The following BEAN1 variants were observed in gnomAD, a reference collection of about 807,000 sequenced individuals.
BEAN1 encodes brain expressed associated with NEDD4 1, also known as protein BEAN1.
In BEAN1, 17 loss-of-function variants were observed where a neutral mutation model predicts 17.7. That is an observed-to-expected ratio of 0.96 (90% CI 0.66 to 1.44). The LOEUF (loss-of-function observed/expected upper bound fraction) is 1.44. BEAN1 is among the 40% of genes most tolerant of loss of function. The pLI, the probability that BEAN1 is intolerant of heterozygous loss-of-function variation, is 0.00. For synonymous variants in BEAN1, 142 were observed against 151.8 expected (o/e 0.94, Z 0.47); for missense variants, 359 against 374.1 (o/e 0.96, Z 0.33).
intron 2 of BEAN1, among the ~76,000 whole-genome samples, chr16:66,461,778 A>C (rs9925162): frequency 0.044 from 6,754 of 152,190 alleles, 403 homozygotes; most frequent in African/African-American, 0.14. Context: ...GAGCCAGCCC[A>C]CTATTCTACA....
At chr16:66,459,329 T>G (rs1421050659) in intron 2 of BEAN1, among the ~76,000 whole-genome samples, 1 of 152,132 alleles carries the variant, frequency 6.6e-6, no homozygotes, top group Non-Finnish European at 1.5e-5. Context: ...TTTTTTCTTT[T>G]TCTCTTTTGA....
intron 2 of BEAN1, among the ~76,000 whole-genome samples, chr16:66,444,735 T>C (rs911770184): frequency 4.6e-5 from 7 of 152,106 alleles, no homozygotes; most frequent in African/African-American, 1.7e-4. Flanking sequence ...AGGTGTAAAA[T>C]GGGGGTATCC....
chr16:66,485,371 C>T (rs745977381), downstream of BEAN1: 12 of 346,964 alleles, frequency 3.5e-5, no homozygotes, highest in Non-Finnish European at 5.7e-5. Context: ...TCCAGTGCCA[C>T]TGACACTCCC....
intron 3 of BEAN1, 60 bp downstream of exon 3, chr16:66,469,925 A>G (rs1963412190): frequency 7.3e-6 from 11 of 1,503,634 alleles, no homozygotes; most frequent in Non-Finnish European, 9.7e-6. Context: ...GCAACACAGG[A>G]GGCATCAAGG....
Position 66,481,347 on chromosome 16 carries a change from C to T in BEAN1, c.*422C>T, listed in dbSNP as rs1198052228. On this transcript the variant is annotated 3_prime_UTR_variant, in exon 5 of 5. Transcript: ENST00000536005. This position sits in a 1 kb window ranked among gnomAD's most constrained non-coding sequence, Gnocchi z 4.1. ...CAGCAAGCTGCGCCCAAATTCTATT[C>T]TGCCTCTGGAAACTGCTGGACCATC... is the stretch of plus-strand genomic sequence containing the variant. 5.0e-6 allele frequency: 2 copies of T among 399,152 alleles called. No individual in the cohort carries two copies. The highest frequency in any genetic ancestry group is 8.8e-6 in the Non-Finnish European group (2 of 226,730). The allele number at this position is 399,152 out of a possible 1,614,324, so 24.7% of individuals were successfully genotyped here.
chr16:66,477,778 C>T, intron 4 of BEAN1, 68 bp downstream of exon 4: 2 of 1,410,740 alleles, frequency 1.4e-6, no homozygotes, highest in Non-Finnish European at 1.9e-6. Context: ...CCCCCAACTC[C>T]ATCATGGGAA....
intron 2 of BEAN1, among the ~76,000 whole-genome samples, chr16:66,466,110 G>A (rs752148566): frequency 4.6e-5 from 7 of 152,162 alleles, no homozygotes; most frequent in Non-Finnish European, 7.4e-5. Flanking sequence ...CACCGCAGCC[G>A]GCCAAATTTG....
intron 2 of BEAN1, among the ~76,000 whole-genome samples, chr16:66,447,505 C>CT (rs1567489170): frequency 1.3e-5 from 2 of 152,158 alleles, no homozygotes; most frequent in African/African-American, 2.4e-5. Flanking sequence ...TGTTGCAGAA[C>CT]TAACTCAGTC....
intron 4 of BEAN1, chr16:66,492,869 C>T (rs1964193985): frequency 4.9e-6 from 3 of 617,822 alleles, no homozygotes; most frequent in South Asian, 3.8e-5. Context: ...TGGTGTCCCT[C>T]GGCACCAGCC....
intron 2 of BEAN1, among the ~76,000 whole-genome samples, chr16:66,438,250 G>C (rs1286069170): frequency 6.6e-6 from 1 of 152,090 alleles, no homozygotes; most frequent in African/African-American, 2.4e-5. Flanking sequence ...TGGGCATGGT[G>C]GTGGGCGCCT....
At chr16:66,476,512 G>A (rs1333515120) in intron 3 of BEAN1, 1 of 152,424 alleles carries the variant, frequency 6.6e-6, no homozygotes, top group Admixed American at 6.5e-5. Flanking sequence ...CACCCCCAGA[G>A]GGGAGGAGGC....
At position 66,434,177 on chromosome 16, in the gene BEAN1, C is replaced by T. The variant is rs562074061; in HGVS notation, c.-82-3418C>T. ...AGGCGGGCAGGGGAAGAGGTGACCA[C>T]GCTTGGCCTAGCAGCTGGGGTGGGC... On this transcript the variant is annotated intron_variant, in intron 1 of 4. Coordinates refer to ENST00000536005, the MANE Select transcript of BEAN1 (RefSeq NM_001178020.3). This position sits in a 1 kb window ranked among gnomAD's most constrained non-coding sequence, Gnocchi z 4.3. 8.5e-5 allele frequency among the ~76,000 whole-genome samples: 13 copies of T among 152,304 alleles called. No individual in the cohort carries two copies. The highest frequency in any genetic ancestry group is 2.1e-4 in the South Asian group (1 of 4,826).
In BEAN1 at chr16:66,480,743, C is replaced by A; in HGVS notation, c.598C>A (p.Pro200Thr). The change falls in exon 5 of 5, where the codon CCG becomes ACG. Residue 200 changes from proline (P) to threonine (T), a missense_variant. Physicochemically the swap from Pro to Thr is conservative, Grantham distance 38. Transcript: ENST00000536005. ...CCGACACCAGCAGGAGCAGAGGACC[C>A]CGGCCCAAGGTGGCCTTCACACGGT... is the stretch of plus-strand genomic sequence containing the variant. The part of the protein sequence containing the change: ...PGRHQQEQRT[P>T]AQGGLHTVSM... The A allele has an allele frequency of 4.5e-6, 7 of 1,551,620 alleles. No individual in the cohort carries two copies. The highest frequency in any genetic ancestry group is 6.1e-6 in the Non-Finnish European group (7 of 1,146,954).
intron 4 of BEAN1, among the ~76,000 whole-genome samples, chr16:66,491,582 C>G (rs748835642): frequency 6.6e-6 from 1 of 152,156 alleles, no homozygotes; most frequent in Non-Finnish European, 1.5e-5. Context: ...ACGAGACCAG[C>G]GGTCCCCAAC....
At chr16:66,467,749 G>A (rs575782336) in intron 2 of BEAN1, among the ~76,000 whole-genome samples, 3 of 152,298 alleles carry the variant, frequency 2.0e-5, no homozygotes, top group Non-Finnish European at 2.9e-5. Context: ...CCAGGGGAGC[G>A]TCTTACAGTG....
At chr16:66,466,855 C>G (rs1324938968) in intron 2 of BEAN1, among the ~76,000 whole-genome samples, 1 of 152,232 alleles carries the variant, frequency 6.6e-6, no homozygotes, top group East Asian at 1.9e-4. Context: ...AGGCATGAGC[C>G]ACTGCGCCCA....
intron 2 of BEAN1, among the ~76,000 whole-genome samples, chr16:66,464,300 C>G (rs367658422): frequency 1.3e-5 from 2 of 151,766 alleles, no homozygotes; most frequent in South Asian, 4.2e-4. Context: ...TCTTTAATTT[C>G]TTTTGAAAAT....
At chr16:66,451,511 G>T (rs1042547106) in intron 2 of BEAN1, among the ~76,000 whole-genome samples, 5 of 152,118 alleles carry the variant, frequency 3.3e-5, no homozygotes, top group Non-Finnish European at 5.9e-5. Flanking sequence ...GAAATGCAAG[G>T]TCATGAAGAT....
chr16:66,476,229 G>C (rs1402004175), intron 3 of BEAN1: 1 of 152,140 alleles, frequency 6.6e-6, no homozygotes, highest in African/African-American at 2.4e-5. Context: ...GAGCTTTCTC[G>C]GTGTCGGTAT....
Sources: allele counts gnomAD v4.1 joint callset (sites outside exome capture counted in the v4.1 genomes callset), GRCh38; gene constraint gnomAD v4.1.1; non-coding constraint Gnocchi (gnomAD v3.1); transcripts MANE v1.5; gene names NCBI Gene and HGNC (gene_info 2026-07-23, HGNC 2026-07-21).